Variants in TMEM231 observed in about 807,000 individuals in gnomAD.
TMEM231 encodes the protein transmembrane protein 231.
In TMEM231, 40 loss-of-function variants were observed where a neutral mutation model predicts 38.5. The ratio of observed to expected loss-of-function variants is 1.04; its 90% confidence interval spans 0.81 to 1.35. The LOEUF is 1.35. Among genes scored for constraint, TMEM231 ranks in the 40% most tolerant of loss-of-function variants. TMEM231 has a pLI of 0.00. For synonymous variants in TMEM231, 199 were observed against 181.7 expected (o/e 1.10, Z -0.77); for missense variants, 420 against 416.9 (o/e 1.01, Z -0.07).
chr16:75,541,378 T>C lies in TMEM231; in HGVS notation c.742A>G (p.Ile248Val), dbSNP rs771137248. 2.5e-6 allele frequency: 4 copies of C among 1,611,718 alleles called. No individual in the cohort carries two copies. Among genetic ancestry groups the C allele is most frequent in the Non-Finnish European group, 3.4e-6 (4 of 1,178,626 alleles). ...ATGACTTCCACAGGGTATCGGATGA[T>C]AGCATTAATCACAAATGGAGCATCT... The part of the protein sequence containing the change: ...AADAPFVINA[I>V]IRYPVEVISY... Residue 248 changes from isoleucine to valine, a missense_variant, in exon 6 of 7, where the codon ATC becomes GTC. Coordinates refer to ENST00000258173, the MANE Select transcript of TMEM231 (RefSeq NM_001077418.3).
intron 2 of TMEM231, among the ~76,000 whole-genome samples, chr16:75,550,554 C>T (rs1194002875): frequency 6.6e-6 from 1 of 152,068 alleles, no homozygotes; most frequent in African/African-American, 2.4e-5. Context: ...ACCAGCACAC[C>T]ACCTGACTGC....
In TMEM231 at chr16:75,547,803, A is replaced by G. The variant is rs180773364; in HGVS notation, c.310-1849T>C. ...AAAAAAATAAAATAAAAAATAAATA[A>G]AAGAGCCTGCCTTGTCTCCTGTGGA... is the stretch of plus-strand genomic sequence containing the variant. On this transcript the variant is annotated intron_variant, in intron 2 of 6. Coordinates refer to ENST00000258173, the MANE Select transcript of TMEM231 (RefSeq NM_001077418.3). Among the ~76,000 whole-genome samples the G allele has an allele frequency of 6.6e-5, 10 of 152,244 alleles. 1 individual carries two copies. Among genetic ancestry groups the G allele is most frequent in the Admixed American group, 5.9e-4 (9 of 15,294 alleles).
chr16:75,541,219 T>C, intron 6 of TMEM231, 131 bp downstream of exon 6: 2 of 398,460 alleles, frequency 5.0e-6, no homozygotes, highest in Non-Finnish European at 8.8e-6. Flanking sequence ...AGGGACTCAC[T>C]ATCTTGGCCA....
In TMEM231 at chr16:75,537,921, A is replaced by C. The variant is rs1430569775; in HGVS notation, c.*2073T>G. The C allele has an allele frequency of 6.6e-6, 1 of 152,220 alleles. No individual in the cohort carries two copies. Among genetic ancestry groups the C allele is most frequent in the African/African-American group, 2.4e-5 (1 of 41,454 alleles). The allele number at this position is 152,220 out of a possible 1,614,324, so 9.4% of individuals were successfully genotyped here. A position where few individuals can be genotyped will look rare whatever the true frequency, so the allele number is the denominator to read the frequency against. ...CACGTAGATTTCACATGGCATGTGA[A>C]TCCCACTGAAAACTCATCTACCTGG... On this transcript the variant is annotated 3_prime_UTR_variant, in exon 7 of 7. Transcript: ENST00000258173.
chr16:75,541,326 T>C (rs749893185), intron 6 of TMEM231, 24 bp downstream of exon 6: 33 of 1,560,222 alleles, frequency 2.1e-5, no homozygotes, highest in South Asian at 1.0e-4. Context: ...AGCCTTAACA[T>C]GGACTCTTTA....
At chr16:75,553,520 G>A (rs969004333) in intron 2 of TMEM231, among the ~76,000 whole-genome samples, 2 of 151,412 alleles carry the variant, frequency 1.3e-5, no homozygotes, top group Middle Eastern at 3.2e-3. Context: ...TACTTGGAAG[G>A]CTGAGGCGAG....
At chr16:75,545,289 A>G in intron 4 of TMEM231, 63 bp downstream of exon 4, 1 of 1,560,278 alleles carries the variant, frequency 6.4e-7, no homozygotes, top group Non-Finnish European at 8.7e-7. Context: ...TCCCCTCTTT[A>G]AAGAACTTAA....
At chr16:75,548,832 G>A (rs960769073) in intron 2 of TMEM231, among the ~76,000 whole-genome samples, 13 of 152,194 alleles carry the variant, frequency 8.5e-5, no homozygotes, top group Admixed American at 3.3e-4. Context: ...TCGTGCCTCT[G>A]CACTCCAGCC....
chr16:75,542,833 A>C (rs1409408142), intron 4 of TMEM231, 150 bp from the exon 5 acceptor site: 16 of 632,618 alleles, frequency 2.5e-5, no homozygotes, highest in Non-Finnish European at 4.1e-5. Flanking sequence ...TTCAAAGATG[A>C]ATAAAACAGG....
rs866563020 is a variant in TMEM231, at chr16:75,545,867, G to C, written c.397C>G (p.Leu133Val). The C allele has an allele frequency of 2.4e-5, 34 of 1,443,708 alleles. No homozygotes were observed. The African/African-American group carries it at 4.2e-4, about 18-fold the overall frequency. 89.4% of individuals were successfully genotyped at this position (1,443,708 alleles called of 1,614,324 possible). A position where few individuals can be genotyped will look rare whatever the true frequency, so the allele number is the denominator to read the frequency against. The change falls in exon 3 of 7, where the codon CTC (leucine) becomes GTC (valine). Residue 133 changes from leucine to valine, a missense_variant. Coordinates refer to ENST00000258173, the MANE Select transcript of TMEM231 (RefSeq NM_001077418.3). ...AAAGTCAGGATGAGCTGCACACCGA[G>C]AACGTGCTCCGTGGACTGCAGGGGA... is the stretch of plus-strand genomic sequence containing the variant. ...ELPLQSTEHV[L>V]GVQLILTFSY...
intron 2 of TMEM231, among the ~76,000 whole-genome samples, chr16:75,547,481 C>T (rs915982349): frequency 6.6e-6 from 1 of 152,174 alleles, no homozygotes; most frequent in African/African-American, 2.4e-5. Flanking sequence ...ATATCTGCTA[C>T]CAGGGCTGAT....
intron 2 of TMEM231, among the ~76,000 whole-genome samples, chr16:75,554,696 GTCA>G (rs921206665): frequency 6.6e-6 from 1 of 152,120 alleles, no homozygotes; most frequent in Non-Finnish European, 1.5e-5. Context: ...TTCAATTTCT[GTCA>G]TTATATCTAC....
At position 75,541,462 on chromosome 16, in the gene TMEM231, T is replaced by C; in HGVS notation, c.665-7A>G. 2 of 1,593,546 alleles carry C rather than the reference T, an allele frequency of 1.3e-6. No homozygotes were observed. Among genetic ancestry groups the C allele is most frequent in the Non-Finnish European group, 1.7e-6 (2 of 1,165,944 alleles). ...TCATTCAGGACGGTGGTAACTGCAA[T>C]GCAATCATTAACCATTAACCACGAT... On this transcript the variant is annotated splice_polypyrimidine_tract_variant and splice_region_variant and intron_variant, in intron 5 of 6. Coordinates refer to ENST00000258173, the MANE Select transcript of TMEM231 (RefSeq NM_001077418.3).
intron 2 of TMEM231, among the ~76,000 whole-genome samples, chr16:75,548,159 G>A (rs890761323): frequency 1.3e-5 from 2 of 152,188 alleles, no homozygotes; most frequent in African/African-American, 2.4e-5. Context: ...GACAGGATTT[G>A]AGATCAGGTG....
intron 4 of TMEM231, among the ~76,000 whole-genome samples, chr16:75,543,832 T>A (rs2080653429): frequency 6.6e-6 from 1 of 152,244 alleles, no homozygotes; most frequent in African/African-American, 2.4e-5. Flanking sequence ...CAGCTTCCTA[T>A]TCTTTACAAC....
chr16:75,540,457 T>C (rs2080610759), intron 6 of TMEM231, among the ~76,000 whole-genome samples: 2 of 152,326 alleles, frequency 1.3e-5, no homozygotes, highest in South Asian at 2.1e-4. Context: ...CAGCCATCCA[T>C]CCATCTTCTA....
At chr16:75,547,210 C>T (rs1292039537) in intron 2 of TMEM231, among the ~76,000 whole-genome samples, 1 of 152,204 alleles carries the variant, frequency 6.6e-6, no homozygotes. Flanking sequence ...AGCAGCATTC[C>T]CATCTGGATC....
At chr16:75,543,784 C>T (rs2080652932) in intron 4 of TMEM231, among the ~76,000 whole-genome samples, 2 of 152,158 alleles carry the variant, frequency 1.3e-5, no homozygotes, top group South Asian at 2.1e-4. Flanking sequence ...GATATATAGA[C>T]ATTCAAACAA....
chr16:75,543,500 A>T (rs2080650446), intron 4 of TMEM231, among the ~76,000 whole-genome samples: 1 of 152,014 alleles, frequency 6.6e-6, no homozygotes, highest in South Asian at 2.1e-4. Context: ...AGCCTGGGAG[A>T]CAGAGGTTGC....
Sources: allele counts gnomAD v4.1 joint callset (sites outside exome capture counted in the v4.1 genomes callset), GRCh38; gene constraint gnomAD v4.1.1; transcripts MANE v1.5; gene names NCBI Gene and HGNC (gene_info 2026-07-23, HGNC 2026-07-21).